MTA1: variants seen among roughly 807,000 people sequenced by gnomAD.
MTA1 encodes metastasis associated 1, also known as metastasis-associated protein MTA1.
In MTA1, 15 loss-of-function variants were observed where a neutral mutation model predicts 97.0. The observed-to-expected ratio is 0.15, with a 90% CI of 0.10 to 0.24. MTA1 has a LOEUF of 0.24. Among genes scored for constraint, MTA1 ranks in the 10% least tolerant of loss-of-function variants. The pLI is 1.00. For missense variants in MTA1, 709 were observed against 1,015.1 expected (o/e 0.70, Z 4.10); for synonymous variants, 435 against 417.5 (o/e 1.04, Z -0.51).
chr14:105,422,510 C>T lies in MTA1; in HGVS notation c.28+2447C>T, dbSNP rs926228490. Among the ~76,000 whole-genome samples the T allele has an allele frequency of 6.6e-6, 1 of 152,144 alleles. No individual in the cohort carries two copies. Among genetic ancestry groups the T allele is most frequent in the Non-Finnish European group, 1.5e-5 (1 of 68,022 alleles). ...CCTGGGAAGGGGCTTGCTCCTGTGC[C>T]CCCCCACCCCAGGGACCTTGTGTGT... On this transcript the variant is annotated intron_variant, in intron 1 of 20. Transcript: ENST00000331320. The surrounding 1 kb of genome is among the most constrained non-coding windows in gnomAD (Gnocchi z 4.3).
intron 18 of MTA1, chr14:105,469,151 G>A (rs781881033): frequency 4.3e-5 from 25 of 584,712 alleles, no homozygotes; most frequent in Non-Finnish European, 7.4e-5. Context: ...TGCTTGTCTC[G>A]GCACGGCAGG....
Position 105,456,211 on chromosome 14 carries a change from C to T in MTA1, c.550+1901C>T, listed in dbSNP as rs1420213869. Among the ~76,000 whole-genome samples the T allele has an allele frequency of 2.6e-5, 4 of 152,372 alleles. 1 individual carries two copies. The highest frequency in any genetic ancestry group is 4.1e-4 in the South Asian group (2 of 4,834). ...CGCACCCAGGTGGAAAGGCAGAGTC[C>T]GTGGCTGGGAGACAGGTGAGAACAC... On this transcript the variant is annotated intron_variant, in intron 7 of 20. Transcript: ENST00000331320.
chr14:105,435,636 A>C (rs1225689367), intron 1 of MTA1, among the ~76,000 whole-genome samples: 1 of 152,042 alleles, frequency 6.6e-6, no homozygotes, highest in Non-Finnish European at 1.5e-5. Flanking sequence ...AGTTGTGTAG[A>C]ATTGGTGTTA....
Position 105,419,883 on chromosome 14 carries a change from T to TCGGCGG in MTA1, c.-130_-125dup, listed in dbSNP as rs587635485. The TCGGCGG allele has an allele frequency of 3.3e-3, 596 of 182,684 alleles. 5 individuals carry two copies. The highest frequency in any genetic ancestry group is 5.7e-3 in the Middle Eastern group (2 of 352). 11.3% of individuals were successfully genotyped at this position (182,684 alleles called of 1,614,324 possible). A position where few individuals can be genotyped will look rare whatever the true frequency, so the allele number is the denominator to read the frequency against. On this transcript the variant is annotated 5_prime_UTR_variant, in exon 1 of 21. Coordinates refer to ENST00000331320, the MANE Select transcript of MTA1 (RefSeq NM_004689.4). ...CCGTCCCTGCGCGGCCTCGGCGGCC[T>TCGGCGG]CGGCGGCGGCGGCGGCGGCGGCGGC...
intron 1 of MTA1, among the ~76,000 whole-genome samples, chr14:105,429,187 G>T (rs1255009473): frequency 6.6e-6 from 1 of 152,168 alleles, no homozygotes; most frequent in Non-Finnish European, 1.5e-5. Context: ...TGGCTTCGGG[G>T]AATGTGTCCG....
intron 18 of MTA1, chr14:105,469,142 G>T (rs2083721153): frequency 3.5e-6 from 2 of 569,466 alleles, no homozygotes; most frequent in Non-Finnish European, 6.7e-6. Context: ...GCGAGGCTTT[G>T]CTTGTCTCGG....
rs1232008952 is a variant in MTA1 at position 105,420,604 on chromosome 14, A to G, written c.28+541A>G. On this transcript the variant is annotated intron_variant, in intron 1 of 20. Coordinates refer to ENST00000331320, the MANE Select transcript of MTA1 (RefSeq NM_004689.4). The surrounding 1 kb of genome is among the most constrained non-coding windows in gnomAD (Gnocchi z 5.3). ...AGCAGGGATCCCTCAGGGGGTCTTC[A>G]GCAGGGAGCGAGCATCCCGAGCACG... Among the ~76,000 whole-genome samples the G allele has an allele frequency of 6.6e-5, 10 of 152,142 alleles. No individual in the cohort carries two copies. Among genetic ancestry groups the G allele is most frequent in the African/African-American group, 2.4e-4 (10 of 41,454 alleles).
At chr14:105,433,200 G>A (rs587673564) in intron 1 of MTA1, among the ~76,000 whole-genome samples, 3 of 152,322 alleles carry the variant, frequency 2.0e-5, no homozygotes, top group East Asian at 1.9e-4. Flanking sequence ...CAGCAGAGAC[G>A]TGGGCGGTGT....
intron 1 of MTA1, among the ~76,000 whole-genome samples, chr14:105,427,828 T>G (rs1349408536): frequency 6.6e-6 from 1 of 152,072 alleles, no homozygotes; most frequent in African/African-American, 2.4e-5. Flanking sequence ...GAGACCAACC[T>G]GACCACACAG....
At position 105,463,937 on chromosome 14, in the gene MTA1, G is replaced by A; in HGVS notation, c.1077-95G>A. On this transcript the variant is annotated intron_variant, in intron 12 of 20. Coordinates refer to ENST00000331320, the MANE Select transcript of MTA1 (RefSeq NM_004689.4). This position sits in a 1 kb window ranked among gnomAD's most constrained non-coding sequence, Gnocchi z 5.9. ...CGAGGGGTGCGAGGACGTGGTTCTGGACAAGGGGTGGTCAGCCGCGGTGCC... is the reference window on the plus strand; with the variant it reads ...CGAGGGGTGCGAGGACGTGGTTCTGAACAAGGGGTGGTCAGCCGCGGTGCC... 2 of 1,195,872 alleles carry A rather than the reference G, an allele frequency of 1.7e-6. No homozygotes were observed. The allele number at this position is 1,195,872 out of a possible 1,614,324, so 74.1% of individuals were successfully genotyped here.
At chr14:105,442,257 A>G (rs1595332204) in intron 2 of MTA1, among the ~76,000 whole-genome samples, 1 of 152,328 alleles carries the variant, frequency 6.6e-6, no homozygotes. Flanking sequence ...TGGAGGCTCC[A>G]CGCCCAGCCA....
At chr14:105,458,957 T>C (rs1314331602) in intron 8 of MTA1, among the ~76,000 whole-genome samples, 1 of 152,170 alleles carries the variant, frequency 6.6e-6, no homozygotes, top group African/African-American at 2.4e-5. Context: ...CTCCCTGCGA[T>C]GCTCATGCAG....
At chr14:105,437,865 C>G (rs2082380484) in intron 1 of MTA1, among the ~76,000 whole-genome samples, 1 of 152,214 alleles carries the variant, frequency 6.6e-6, no homozygotes, top group African/African-American at 2.4e-5. Flanking sequence ...GGTGTCAGCA[C>G]CACCAGCCTG....
rs1555433880 is a variant in MTA1, at chr14:105,469,827, C to T, written c.1846-14C>T. 2 of 1,596,976 alleles carry T rather than the reference C, an allele frequency of 1.3e-6. No individual in the cohort carries two copies. Among genetic ancestry groups the T allele is most frequent in the Non-Finnish European group, 8.5e-7 (1 of 1,172,664 alleles). ...CCCTTGGCTGGCTGCCCAGGAAGTGCACCCCCTCTGCAGGGACCAAGCCGG... is the reference window on the plus strand; with the variant it reads ...CCCTTGGCTGGCTGCCCAGGAAGTGTACCCCCTCTGCAGGGACCAAGCCGG... On this transcript the variant is annotated splice_polypyrimidine_tract_variant and intron_variant, in intron 19 of 20. Transcript: ENST00000331320.
rs587646234 is a variant in MTA1, at chr14:105,459,136, G to A, written c.653+764G>A. On this transcript the variant is annotated intron_variant, in intron 8 of 20. Transcript: ENST00000331320. Reference sequence around the variant, plus strand: ...GGAGCTGTGTGCCTGGGGGGAGTCCGCGCTGCCCGTGGCCCCTGGTCCCTG... The same window carrying A: ...GGAGCTGTGTGCCTGGGGGGAGTCCACGCTGCCCGTGGCCCCTGGTCCCTG... 1.9e-3 allele frequency among the ~76,000 whole-genome samples: 122 copies of A among 63,046 alleles called. 5 individuals carry two copies. Among genetic ancestry groups the A allele is most frequent in the Middle Eastern group, 0.019 (2 of 108 alleles). 41.4% of individuals were successfully genotyped at this position (63,046 alleles called of 152,430 possible).
intron 3 of MTA1, among the ~76,000 whole-genome samples, chr14:105,447,636 C>A (rs954916276): frequency 1.3e-5 from 2 of 152,174 alleles, no homozygotes; most frequent in African/African-American, 4.8e-5. Flanking sequence ...ACAGCACAGC[C>A]CCTTTGGACG....
chr14:105,419,921 G>T lies in MTA1; in HGVS notation c.-115G>T. 1 of 299,832 alleles carries T rather than the reference G, an allele frequency of 3.3e-6. No homozygotes were observed. Among genetic ancestry groups the T allele is most frequent in the Non-Finnish European group, 4.9e-6 (1 of 204,928 alleles). 18.6% of individuals were successfully genotyped at this position (299,832 alleles called of 1,614,324 possible). ...CGGCGGCGGCGGCGGCAGCAGCGCG[G>T]CCCCTTTAAACGCCTGCGGCGCCCC... On this transcript the variant is annotated 5_prime_UTR_variant, in exon 1 of 21. Coordinates refer to ENST00000331320, the MANE Select transcript of MTA1 (RefSeq NM_004689.4).
At chr14:105,438,234 G>C (rs1393512668) in intron 1 of MTA1, among the ~76,000 whole-genome samples, 1 of 152,178 alleles carries the variant, frequency 6.6e-6, no homozygotes, top group Non-Finnish European at 1.5e-5. Flanking sequence ...ACGTGGCTCT[G>C]GGGGTGTAGC....
intron 18 of MTA1, chr14:105,467,805 A>T (rs2083659886): frequency 3.7e-6 from 1 of 268,232 alleles, no homozygotes. Flanking sequence ...GAACAGCCCC[A>T]TAAGAGCTGG....
Sources: allele counts gnomAD v4.1 joint callset (sites outside exome capture counted in the v4.1 genomes callset), GRCh38; gene constraint gnomAD v4.1.1; non-coding constraint Gnocchi (gnomAD v3.1); transcripts MANE v1.5; gene names NCBI Gene and HGNC (gene_info 2026-07-23, HGNC 2026-07-21).